Variants in CPNE8 observed in about 807,000 individuals in gnomAD.
CPNE8 encodes the protein copine 8, also known as copine-8.
CPNE8 carries 45 observed loss-of-function variants against 81.5 expected under a neutral mutation model. That is an observed-to-expected ratio of 0.55 (90% CI 0.44 to 0.71). The LOEUF (loss-of-function observed/expected upper bound fraction) is 0.71. Among genes scored for constraint, CPNE8 ranks in the 30% least tolerant of loss-of-function variants. CPNE8 has a pLI of 0.00. For synonymous variants in CPNE8, 252 were observed against 226.3 expected (o/e 1.11, Z -1.02); for missense variants, 594 against 672.1 (o/e 0.88, Z 1.28).
At chr12:38,850,804 C>T (rs1188456949) in intron 3 of CPNE8, among the ~76,000 whole-genome samples, 1 of 152,200 alleles carries the variant, frequency 6.6e-6, no homozygotes, top group Non-Finnish European at 1.5e-5. Flanking sequence ...ATTGGCAGAG[C>T]TCAGTTCAAG....
chr12:38,853,392 A>G (rs1943678954), intron 3 of CPNE8, among the ~76,000 whole-genome samples: 2 of 152,156 alleles, frequency 1.3e-5, no homozygotes, highest in Admixed American at 6.5e-5. Context: ...CTGAATATCA[A>G]TAATACTAGA....
At chr12:38,796,396 C>A (rs1438458501) in intron 6 of CPNE8, among the ~76,000 whole-genome samples, 1 of 151,892 alleles carries the variant, frequency 6.6e-6, no homozygotes, top group Non-Finnish European at 1.5e-5. Context: ...TTTAACAAGT[C>A]ATAAAAGTAA....
At chr12:38,790,375 G>A (rs377427148) in intron 6 of CPNE8, among the ~76,000 whole-genome samples, 26 of 151,754 alleles carry the variant, frequency 1.7e-4, no homozygotes, top group African/African-American at 4.8e-4. Context: ...ACTTATTTGC[G>A]GGATCTAAAA....
At chr12:38,669,333 C>T (rs1234490288) in intron 19 of CPNE8, among the ~76,000 whole-genome samples, 2 of 151,998 alleles carry the variant, frequency 1.3e-5, no homozygotes, top group Non-Finnish European at 2.9e-5. Context: ...TATTATCATA[C>T]TAACAGATTA....
chr12:38,806,508 A>G (rs1403735510), intron 6 of CPNE8, among the ~76,000 whole-genome samples: 1 of 150,322 alleles, frequency 6.7e-6, no homozygotes, highest in Non-Finnish European at 1.5e-5. Context: ...AAACCACATG[A>G]TTATCTCAAT....
chr12:38,770,492 T>C (rs1001979484), intron 7 of CPNE8, among the ~76,000 whole-genome samples: 1 of 152,222 alleles, frequency 6.6e-6, no homozygotes, highest in African/African-American at 2.4e-5. Context: ...CAATCCATTC[T>C]CCATTCAGCA....
At chr12:38,827,106 G>A (rs936171932) in intron 6 of CPNE8, among the ~76,000 whole-genome samples, 16 of 149,090 alleles carry the variant, frequency 1.1e-4, no homozygotes, top group South Asian at 1.1e-3. Context: ...ACTTGAACCC[G>A]GGAGGCAGAG....
intron 1 of CPNE8, among the ~76,000 whole-genome samples, chr12:38,896,055 TG>T (rs1944384071): frequency 6.6e-6 from 1 of 152,126 alleles, no homozygotes; most frequent in East Asian, 1.9e-4. Flanking sequence ...ATACATTGTC[TG>T]ACAAAGAGTT....
At chr12:38,783,915 C>T (rs989512140) in intron 6 of CPNE8, among the ~76,000 whole-genome samples, 10 of 152,150 alleles carry the variant, frequency 6.6e-5, no homozygotes. Flanking sequence ...CAAGCCCAGA[C>T]AGTGAAGACT....
chr12:38,811,333 A>G (rs1942931024), intron 6 of CPNE8, among the ~76,000 whole-genome samples: 2 of 152,156 alleles, frequency 1.3e-5, no homozygotes, highest in Admixed American at 6.5e-5. Context: ...AAACTACAAC[A>G]AAAAAAGCTC....
At chr12:38,674,295 T>C (rs993116991) in intron 18 of CPNE8, among the ~76,000 whole-genome samples, 6 of 152,096 alleles carry the variant, frequency 3.9e-5, no homozygotes, top group Admixed American at 6.6e-5. Flanking sequence ...GAAAAAGAAC[T>C]GATTGAGGTT....
intron 13 of CPNE8, among the ~76,000 whole-genome samples, chr12:38,713,795 C>T (rs1940319927): frequency 6.6e-6 from 1 of 151,534 alleles, no homozygotes; most frequent in Non-Finnish European, 1.5e-5. Flanking sequence ...AGTATAAGCT[C>T]ACCTGGACTC....
intron 10 of CPNE8, among the ~76,000 whole-genome samples, chr12:38,738,803 TTTC>T (rs1335870888): frequency 1.4e-5 from 2 of 146,898 alleles, no homozygotes; most frequent in Non-Finnish European, 3.0e-5. Context: ...AAATTTTTCT[TTTC>T]TTTTTTTTTT....
At chr12:38,844,435 A>G (rs930620824) in intron 4 of CPNE8, among the ~76,000 whole-genome samples, 3 of 152,220 alleles carry the variant, frequency 2.0e-5, no homozygotes, top group African/African-American at 7.2e-5. Flanking sequence ...AATTATAATG[A>G]AAATAAATAA....
chr12:38,799,352 G>A (rs900932851), intron 6 of CPNE8, among the ~76,000 whole-genome samples: 16 of 152,180 alleles, frequency 1.1e-4, no homozygotes, highest in African/African-American at 3.6e-4. Context: ...CTGTCTCTCA[G>A]ACCACAGTGC....
intron 13 of CPNE8, among the ~76,000 whole-genome samples, chr12:38,712,799 G>C (rs1253585897): frequency 6.6e-6 from 1 of 152,080 alleles, no homozygotes; most frequent in Non-Finnish European, 1.5e-5. Context: ...AAGTATCCTG[G>C]GGTTATCCTC....
At chr12:38,785,843 C>A (rs1262046356) in intron 6 of CPNE8, among the ~76,000 whole-genome samples, 1 of 151,952 alleles carries the variant, frequency 6.6e-6, no homozygotes, top group African/African-American at 2.4e-5. Flanking sequence ...TGTTAAAAGG[C>A]TGAAATAATG....
chr12:38,699,709 T>C (rs1939891089), intron 14 of CPNE8, among the ~76,000 whole-genome samples: 1 of 152,024 alleles, frequency 6.6e-6, no homozygotes, highest in Non-Finnish European at 1.5e-5. Context: ...TTTTTTTTTT[T>C]ACAAATTACT....
chr12:38,728,846 G>A (rs1377205246), intron 11 of CPNE8, among the ~76,000 whole-genome samples: 2 of 152,078 alleles, frequency 1.3e-5, no homozygotes, highest in Non-Finnish European at 2.9e-5. Flanking sequence ...ATTCATAATG[G>A]TCTCCTAGAT....
Sources: allele counts gnomAD v4.1 joint callset (sites outside exome capture counted in the v4.1 genomes callset), GRCh38; gene constraint gnomAD v4.1.1; transcripts MANE v1.5; gene names NCBI Gene and HGNC (gene_info 2026-07-23, HGNC 2026-07-21).